Variants in CFAP54 observed in about 807,000 individuals in gnomAD.
CFAP54 encodes the protein cilia and flagella associated protein 54, also known as cilia- and flagella-associated protein 54.
Under a neutral mutation model 370.4 loss-of-function variants are expected in CFAP54, and 290 were observed. The ratio of observed to expected loss-of-function variants is 0.78; its 90% CI spans 0.71 to 0.86. The LOEUF is 0.86. Among genes scored for constraint, CFAP54 ranks in the 40% least tolerant of loss-of-function variants. CFAP54 has a pLI of 0.00. For missense variants in CFAP54, 3,399 were observed against 3,528.7 expected, an observed-to-expected ratio of 0.96 and a Z score of 0.93; for synonymous variants, 1,206 against 1,236.5, an observed-to-expected ratio of 0.98 and a Z score of 0.52.
chr12:96,508,126 CTTTT>C (rs398020728), intron 4 of CFAP54, among the ~76,000 whole-genome samples: 1 of 112,230 alleles, frequency 8.9e-6, no homozygotes, highest in Admixed American at 1.1e-4. Flanking sequence ...CAAACATAGT[CTTTT>C]TTTTTTTTTT....
intron 2 of CFAP54, among the ~76,000 whole-genome samples, chr12:96,503,506 G>A (rs1464975711): frequency 6.7e-6 from 1 of 149,746 alleles, no homozygotes; most frequent in African/African-American, 2.5e-5. Context: ...AGCCTATGAG[G>A]TATCAGAGAA....
At chr12:96,772,550 T>C (rs1005961883) in intron 60 of CFAP54, among the ~76,000 whole-genome samples, 2 of 151,966 alleles carry the variant, frequency 1.3e-5, no homozygotes, top group African/African-American at 4.8e-5. Flanking sequence ...CCCAGGATAA[T>C]CTCCTTATCT....
intron 14 of CFAP54, among the ~76,000 whole-genome samples, chr12:96,545,542 C>T (rs1170171243): frequency 1.3e-5 from 2 of 152,168 alleles, no homozygotes; most frequent in Admixed American, 1.3e-4. Flanking sequence ...GATAACTCAT[C>T]AGTCCGTTAA....
Position 96,630,554 on chromosome 12 carries a change from GC to G in CFAP54, c.4220del (p.Ala1407GlufsTer7). ...KAAVMEIGRS[A>X]EMQQRIRSKK... Reference sequence around the variant, plus strand: ...ACATTTTATCTCCTCTATTAAGAGTGCAGAAATGCAACAAAGAATAAGAAGT... The same window carrying G: ...ACATTTTATCTCCTCTATTAAGAGTGAGAAATGCAACAAAGAATAAGAAGT... On this transcript the variant is annotated frameshift_variant, in exon 32 of 68. Transcript: ENST00000524981. LOFTEE classifies it high-confidence loss of function. 1 of 1,427,418 alleles carries G rather than the reference GC, an allele frequency of 7.0e-7. No individual in the cohort carries two copies. The highest frequency in any genetic ancestry group is 1.4e-5 in the South Asian group (1 of 71,952). 88.4% of individuals were successfully genotyped at this position (1,427,418 alleles called of 1,614,324 possible). A position where few individuals can be genotyped will look rare whatever the true frequency, so the allele number is the denominator to read the frequency against.
At chr12:96,796,374 T>G (rs535355197) in intron 63 of CFAP54, among the ~76,000 whole-genome samples, 2 of 152,256 alleles carry the variant, frequency 1.3e-5, no homozygotes, top group Non-Finnish European at 2.9e-5. Context: ...TAAAATGAAT[T>G]GATAAATATA....
chr12:96,734,003 G>C (rs370359908), intron 50 of CFAP54, among the ~76,000 whole-genome samples: 7 of 152,170 alleles, frequency 4.6e-5, no homozygotes, highest in African/African-American at 1.7e-4. Context: ...GGGAGGAAGA[G>C]TGTGGGGAGG....
At chr12:96,703,314 G>T (rs1255447835) in intron 46 of CFAP54, among the ~76,000 whole-genome samples, 2 of 152,168 alleles carry the variant, frequency 1.3e-5, no homozygotes, top group African/African-American at 4.8e-5. Context: ...CAGAGAGACT[G>T]GGTAGAACAC....
chr12:96,583,350 A>G (rs1156891084), intron 22 of CFAP54, among the ~76,000 whole-genome samples: 1 of 152,194 alleles, frequency 6.6e-6, no homozygotes, highest in Admixed American at 6.5e-5. Flanking sequence ...TGTGAGCAGG[A>G]TTCTGATCTT....
chr12:96,815,522 GT>G (rs1958966598), intron 64 of CFAP54, among the ~76,000 whole-genome samples: 1 of 151,892 alleles, frequency 6.6e-6, no homozygotes, highest in Non-Finnish European at 1.5e-5. Flanking sequence ...CACTCTGTAG[GT>G]TGCCTGTGGT....
At chr12:96,533,176 G>T (rs1197421502) in intron 9 of CFAP54, among the ~76,000 whole-genome samples, 1 of 151,250 alleles carries the variant, frequency 6.6e-6, no homozygotes, top group African/African-American at 2.4e-5. Flanking sequence ...ATATTTCTCA[G>T]GCTGGACTCA....
At chr12:96,504,419 A>T (rs183620346) in intron 3 of CFAP54, among the ~76,000 whole-genome samples, 23 of 152,380 alleles carry the variant, frequency 1.5e-4, no homozygotes, top group Admixed American at 8.5e-4. Flanking sequence ...AAGATTAAAC[A>T]TAAATCTATT....
At chr12:96,727,957 A>C (rs1957864009) in intron 50 of CFAP54, among the ~76,000 whole-genome samples, 1 of 151,698 alleles carries the variant, frequency 6.6e-6, no homozygotes, top group African/African-American at 2.4e-5. Flanking sequence ...GCTGGATATG[A>C]AATTCTGGGT....
rs1191508382 is a variant in CFAP54 at position 96,811,804 on chromosome 12, CAG to C, written c.8920_8921del (p.Ser2974TyrfsTer12). 1.2e-5 allele frequency: 18 copies of C among 1,523,384 alleles called. No individual in the cohort carries two copies. The highest frequency in any genetic ancestry group is 1.5e-5 in the Non-Finnish European group (17 of 1,141,766). 94.4% of individuals were successfully genotyped at this position (1,523,384 alleles called of 1,614,324 possible). ...CAGATGTTAGACATTCCACTTATAA[CAG>C]TACATGTGTTGGCTCTTTATGGATT... ...ISDVRHSTYN[S>X]TCVGSLWIPL... is the part of the protein sequence containing the mutation. On this transcript the variant is annotated frameshift_variant, in exon 64 of 68. Coordinates refer to ENST00000524981, the MANE Select transcript of CFAP54 (RefSeq NM_001306084.2). LOFTEE classifies it high-confidence loss of function.
intron 57 of CFAP54, 130 bp from the exon 58 acceptor site, chr12:96,757,365 G>A (rs1958272214): frequency 4.2e-6 from 2 of 479,396 alleles, no homozygotes; most frequent in Non-Finnish European, 7.4e-6. Flanking sequence ...ATGAAAAGAG[G>A]GTGTGTGTTT....
intron 42 of CFAP54, among the ~76,000 whole-genome samples, chr12:96,686,470 T>C (rs1166597584): frequency 6.6e-6 from 1 of 152,200 alleles, no homozygotes; most frequent in African/African-American, 2.4e-5. Context: ...CTGCAGGCTC[T>C]ACAGAGAGCA....
chr12:96,594,229 G>T (rs772229768), intron 24 of CFAP54, 62 bp from the exon 25 acceptor site: 7 of 1,186,554 alleles, frequency 5.9e-6, no homozygotes, highest in South Asian at 4.1e-5. Context: ...CCCATTCTCC[G>T]TAGAGACACA....
chr12:96,593,885 C>A (rs140381078), intron 24 of CFAP54, among the ~76,000 whole-genome samples: 1 of 151,782 alleles, frequency 6.6e-6, no homozygotes, highest in Non-Finnish European at 1.5e-5. Context: ...GAAAATTTAC[C>A]GTTTTCTTTC....
At chr12:96,628,712 A>G (rs992062593) in intron 30 of CFAP54, among the ~76,000 whole-genome samples, 4 of 152,170 alleles carry the variant, frequency 2.6e-5, no homozygotes, top group East Asian at 1.9e-4. Flanking sequence ...CCAGACAACC[A>G]TGGGATTAGG....
rs1592749097 is a variant in CFAP54, at chr12:96,764,976, T to C, written c.8140-101T>C. On this transcript the variant is annotated intron_variant, in intron 59 of 67. Coordinates refer to ENST00000524981, the MANE Select transcript of CFAP54 (RefSeq NM_001306084.2). Reference sequence around the variant, plus strand: ...ATTTTTTCCTCCAATGTATAAGGAATATTATTTTATGAATTCACTTTTTTC... The same window carrying C: ...ATTTTTTCCTCCAATGTATAAGGAACATTATTTTATGAATTCACTTTTTTC... The C allele has an allele frequency of 8.8e-6, 8 of 907,542 alleles. No individual in the cohort carries two copies. In the East Asian group the frequency reaches 2.1e-4, roughly 24 times the overall value. The allele number at this position is 907,542 out of a possible 1,614,324, so 56.2% of individuals were successfully genotyped here.
Sources: gnomAD v4.1 joint callset for allele counts (sites outside exome capture counted in the v4.1 genomes callset) on GRCh38, gnomAD v4.1.1 for gene constraint, MANE v1.5 for transcripts, NCBI Gene and HGNC (gene_info 2026-07-23, HGNC 2026-07-21) for gene names.